Variants in TMEM132B observed in about 807,000 individuals in gnomAD.
TMEM132B encodes transmembrane protein 132B.
A neutral mutation model predicts 90.8 loss-of-function variants in TMEM132B; 18 were observed. The ratio of observed to expected loss-of-function variants is 0.20; its 90% confidence interval spans 0.14 to 0.29. The LOEUF is 0.29. Ranked by LOEUF, TMEM132B falls within the 10% of genes least tolerant of loss-of-function variation. The pLI is 1.00. For synonymous variants in TMEM132B, 504 were observed against 523.3 expected, an observed-to-expected ratio of 0.96 and a Z score of 0.50; for missense variants, 1,096 against 1,326.8, an observed-to-expected ratio of 0.83 and a Z score of 2.70.
At chr12:125,384,207 T>C (rs547462454) in intron 2 of TMEM132B, among the ~76,000 whole-genome samples, 1 of 152,216 alleles carries the variant, frequency 6.6e-6, no homozygotes, top group East Asian at 1.9e-4. Context: ...CCTCCTCAAG[T>C]GCTGGGATTA....
intron 5 of TMEM132B, chr12:125,587,849 G>A (rs183140001): frequency 1.3e-5 from 2 of 152,298 alleles, no homozygotes; most frequent in African/African-American, 4.8e-5. Flanking sequence ...AAAAAATTGG[G>A]TTGTGCTCTG....
intron 1 of TMEM132B, among the ~76,000 whole-genome samples, chr12:125,198,736 A>G (rs560573642): frequency 2.0e-5 from 3 of 152,220 alleles, no homozygotes; most frequent in Non-Finnish European, 4.4e-5. Context: ...CTACTACTGC[A>G]GACCACCAAG....
chr12:125,360,144 A>C (rs961616720), intron 2 of TMEM132B, among the ~76,000 whole-genome samples: 15 of 152,218 alleles, frequency 9.9e-5, no homozygotes, highest in African/African-American at 3.6e-4. Flanking sequence ...ACATTTTTTA[A>C]CAGATAAATA....
Position 125,565,791 on chromosome 12 carries a change from G to A in TMEM132B, c.1294-18060G>A, listed in dbSNP as rs7954563. ...TGTTCATCTCTTCCTGGAGCCAGGG[G>A]TTTGGGGTTTATATGAGTACAGGAC... On this transcript the variant is annotated intron_variant, in intron 4 of 8. Coordinates refer to ENST00000682704, the MANE Select transcript of TMEM132B (RefSeq NM_001366854.1). 4.0e-3 allele frequency among the ~76,000 whole-genome samples: 616 copies of A among 152,292 alleles called. 3 individuals are homozygous for A. Among genetic ancestry groups the A allele is most frequent in the African/African-American group, 0.014 (576 of 41,556 alleles).
intron 3 of TMEM132B, among the ~76,000 whole-genome samples, chr12:125,505,968 G>A (rs537022220): frequency 3.3e-5 from 5 of 152,164 alleles, no homozygotes; most frequent in Admixed American, 1.3e-4. Flanking sequence ...CCAATTTTGC[G>A]AAAGACCTAT....
intron 3 of TMEM132B, among the ~76,000 whole-genome samples, chr12:125,468,418 A>G (rs1224349019): frequency 1.3e-5 from 2 of 152,206 alleles, no homozygotes; most frequent in Non-Finnish European, 2.9e-5. Flanking sequence ...GACGTGTGGT[A>G]ATGGTAAGGG....
At chr12:125,232,656 G>T (rs1403278908) in intron 1 of TMEM132B, among the ~76,000 whole-genome samples, 2 of 152,150 alleles carry the variant, frequency 1.3e-5, no homozygotes, top group Non-Finnish European at 2.9e-5. Context: ...AGGGTTAAAT[G>T]TACAAAGTCA....
chr12:125,409,378 A>G lies in TMEM132B; in HGVS notation c.960-6153A>G, dbSNP rs1301327411. Among the ~76,000 whole-genome samples the G allele has an allele frequency of 7.9e-5, 12 of 152,136 alleles. No homozygotes were observed. The South Asian group carries it at 1.2e-3, about 16-fold the overall frequency. On this transcript the variant is annotated intron_variant, in intron 2 of 8. Transcript: ENST00000682704. ...GGGTGTGGCTTCACTGTGATCCTGG[A>G]GGCTACTGGAACCCGAGGAGCCCTG...
chr12:125,236,277 CT>C (rs989375316), intron 1 of TMEM132B, among the ~76,000 whole-genome samples: 17 of 152,034 alleles, frequency 1.1e-4, no homozygotes, highest in African/African-American at 3.9e-4. Flanking sequence ...TCCTGAGTAG[CT>C]GGGATTACAG....
chr12:125,584,047 T>C (rs767096491), intron 5 of TMEM132B, 53 bp downstream of exon 5: 4 of 1,612,448 alleles, frequency 2.5e-6, no homozygotes, highest in South Asian at 2.2e-5. Context: ...TTTTTGTCGT[T>C]CCTTCTTTTG....
intron 5 of TMEM132B, among the ~76,000 whole-genome samples, chr12:125,592,608 T>C (rs144867091): frequency 5.2e-4 from 79 of 152,240 alleles, no homozygotes; most frequent in African/African-American, 1.7e-3. Context: ...TAAAGCCTGA[T>C]GGAAAACATC....
rs574273055 is a variant in TMEM132B, at chr12:125,326,747, T to C, written c.68-22705T>C. The C allele has an allele frequency of 1.3e-5, 19 of 1,459,032 alleles. No individual in the cohort carries two copies. The African/African-American group carries it at 2.1e-4, about 16-fold the overall frequency. 90.4% of individuals were successfully genotyped at this position (1,459,032 alleles called of 1,614,324 possible). A position where few individuals can be genotyped will look rare whatever the true frequency, so the allele number is the denominator to read the frequency against. On this transcript the variant is annotated intron_variant, in intron 1 of 8. Coordinates refer to ENST00000682704, the MANE Select transcript of TMEM132B (RefSeq NM_001366854.1). ...CCAGACCCAAGGGGAGGTTTTCCTA[T>C]GTCCTATTCAGATTCTCCCTTTGCA... is the stretch of plus-strand genomic sequence containing the variant.
chr12:125,311,943 A>G (rs1412404927), intron 1 of TMEM132B, among the ~76,000 whole-genome samples: 1 of 152,226 alleles, frequency 6.6e-6, no homozygotes, highest in Non-Finnish European at 1.5e-5. Context: ...TAGGAAGTAC[A>G]TGGCATAAAG....
chr12:125,312,648 G>A (rs1593079827), intron 1 of TMEM132B, among the ~76,000 whole-genome samples: 1 of 152,280 alleles, frequency 6.6e-6, no homozygotes, highest in East Asian at 1.9e-4. Flanking sequence ...GTATCTGGAT[G>A]GTTGCATTCC....
rs970345478 is a variant in TMEM132B at position 125,277,161 on chromosome 12, C to G, written c.68-72291C>G. 3.9e-5 allele frequency among the ~76,000 whole-genome samples: 6 copies of G among 152,084 alleles called. No individual in the cohort carries two copies. The highest frequency in any genetic ancestry group is 1.4e-4 in the African/African-American group (6 of 41,410). ...TGTGGTCATTAGGGTGGGCCCTAAT[C>G]CCATATGACTGGTGTCCTTAGATGA... On this transcript the variant is annotated intron_variant, in intron 1 of 8. Coordinates refer to ENST00000682704, the MANE Select transcript of TMEM132B (RefSeq NM_001366854.1). This position sits in a 1 kb window ranked among gnomAD's most constrained non-coding sequence, Gnocchi z 4.3.
chr12:125,463,359 C>T (rs1234598668), intron 3 of TMEM132B, among the ~76,000 whole-genome samples: 1 of 152,110 alleles, frequency 6.6e-6, no homozygotes, highest in Non-Finnish European at 1.5e-5. Flanking sequence ...ATGGGGTGTG[C>T]TGTCAGTGTG....
intron 1 of TMEM132B, among the ~76,000 whole-genome samples, chr12:125,320,505 G>A (rs531461758): frequency 3.1e-4 from 47 of 152,298 alleles, no homozygotes; most frequent in African/African-American, 7.9e-4. Context: ...GGCCTGTTGC[G>A]CTGGAGAGGA....
intron 3 of TMEM132B, among the ~76,000 whole-genome samples, chr12:125,425,483 A>G (rs1358242348): frequency 6.6e-6 from 1 of 152,180 alleles, no homozygotes; most frequent in African/African-American, 2.4e-5. Flanking sequence ...CACACTACAT[A>G]TTGGGGTTCA....
At chr12:125,210,871 G>C (rs1252700653) in intron 1 of TMEM132B, among the ~76,000 whole-genome samples, 1 of 152,174 alleles carries the variant, frequency 6.6e-6, no homozygotes, top group East Asian at 1.9e-4. Flanking sequence ...GCTGAGGCAG[G>C]AGGACCACTT....
Sources: gnomAD v4.1 joint callset for allele counts (sites outside exome capture counted in the v4.1 genomes callset) on GRCh38, gnomAD v4.1.1 for gene constraint, Gnocchi (gnomAD v3.1) non-coding constraint, MANE v1.5 for transcripts, NCBI Gene and HGNC (gene_info 2026-07-23, HGNC 2026-07-21) for gene names.